DYNC1LI2: variants seen among roughly 807,000 people sequenced by gnomAD.
The protein encoded by DYNC1LI2 is cytoplasmic dynein 1 light intermediate chain 2.
A neutral mutation model predicts 57.8 loss-of-function variants in DYNC1LI2; 19 were observed. The ratio of observed to expected loss-of-function variants is 0.33; its 90% CI spans 0.23 to 0.48. DYNC1LI2 has a LOEUF of 0.48. DYNC1LI2 is among the 20% of genes least tolerant of loss of function. The pLI is 0.99. For missense variants in DYNC1LI2, 470 were observed against 604.2 expected (o/e 0.78, Z 2.33); for synonymous variants, 256 against 233.4 (o/e 1.10, Z -0.88).
intron 4 of DYNC1LI2, chr16:66,739,466 A>T (rs914403173): frequency 9.2e-5 from 14 of 152,306 alleles, no homozygotes; most frequent in Admixed American, 9.2e-4. Flanking sequence ...TTTGAGATAG[A>T]GTCTTGGCTC....
Position 66,728,239 on chromosome 16 carries a change from G to A in DYNC1LI2, c.1105C>T (p.Leu369Phe). The change falls in exon 10 of 13, where the codon CTC (leucine) becomes TTC (phenylalanine). Residue 369 changes from leucine (L) to phenylalanine (F), a missense_variant. Coordinates refer to ENST00000258198, the MANE Select transcript of DYNC1LI2 (RefSeq NM_006141.3). ...EQVFLMKQQSLLAKQPATPTR... is the reference protein window; with the variant it reads ...EQVFLMKQQSFLAKQPATPTR... The stretch of plus-strand genomic sequence containing the variant: ...GGAGTGGCTGGTTGCTTGGCAAGGA[G>A]TGACTGCAAAGAGAGGGACAAACTG... 1 of 1,614,112 alleles carries A rather than the reference G, an allele frequency of 6.2e-7. No homozygotes were observed. The highest frequency in any genetic ancestry group is 1.1e-5 in the South Asian group (1 of 91,084).
intron 4 of DYNC1LI2, among the ~76,000 whole-genome samples, chr16:66,740,459 C>T (rs990628459): frequency 5.3e-5 from 8 of 152,196 alleles, no homozygotes; most frequent in Non-Finnish European, 8.8e-5. Flanking sequence ...AACACAAAGA[C>T]GTGGCTACCA....
rs1466999292 is a variant in DYNC1LI2 at position 66,751,152 on chromosome 16, G to T, written c.181+121C>A. The T allele has an allele frequency of 8.5e-7, 1 of 1,169,718 alleles. No homozygotes were observed. The allele number at this position is 1,169,718 out of a possible 1,614,324, so 72.5% of individuals were successfully genotyped here. On this transcript the variant is annotated intron_variant, in intron 2 of 12. Coordinates refer to ENST00000258198, the MANE Select transcript of DYNC1LI2 (RefSeq NM_006141.3). The surrounding 1 kb of genome is among the most constrained non-coding windows in gnomAD (Gnocchi z 5.2). The stretch of plus-strand genomic sequence containing the variant: ...CTCCAGCTGACCGGCCAGGGCCGAC[G>T]GTCCCTTTCCCGCCAGGCTGCGGGC...
At chr16:66,728,093 T>C in intron 10 of DYNC1LI2, 108 bp downstream of exon 10, 1 of 1,471,694 alleles carries the variant, frequency 6.8e-7, no homozygotes, top group Non-Finnish European at 9.3e-7. Context: ...AAATTCCCAC[T>C]GAAAATACAA....
intron 10 of DYNC1LI2, 43 bp downstream of exon 10, chr16:66,728,158 A>T (rs1477081921): frequency 6.2e-7 from 1 of 1,612,646 alleles, no homozygotes; most frequent in Non-Finnish European, 8.5e-7. Context: ...GATGACACCC[A>T]CAACACTGGG....
chr16:66,748,430 G>A (rs1233234094), intron 3 of DYNC1LI2, among the ~76,000 whole-genome samples: 2 of 151,932 alleles, frequency 1.3e-5, no homozygotes, highest in African/African-American at 4.8e-5. Context: ...CCTTATAAGA[G>A]TGTTTATCAT....
At chr16:66,730,267 G>A (rs749239713) in intron 7 of DYNC1LI2, 44 bp from the exon 8 acceptor site, 2 of 1,545,146 alleles carry the variant, frequency 1.3e-6, no homozygotes, top group African/African-American at 2.7e-5. Context: ...TCCTGGGGCT[G>A]CCTTAGAGCA....
chr16:66,731,246 G>A (rs2017631565), intron 7 of DYNC1LI2: 2 of 152,202 alleles, frequency 1.3e-5, no homozygotes, highest in Admixed American at 6.5e-5. Flanking sequence ...ATGTGATTTG[G>A]ATACCAAGTG....
At chr16:66,734,832 T>C (rs1444188616) in intron 5 of DYNC1LI2, among the ~76,000 whole-genome samples, 1 of 151,454 alleles carries the variant, frequency 6.6e-6, no homozygotes, top group East Asian at 2.0e-4. Flanking sequence ...CCCACATCTC[T>C]AATAAAAATA....
rs1446053242 is a variant in DYNC1LI2, at chr16:66,743,542, C to T, written c.299-874G>A. ...TGCCACTGCACTCCAGCCTGGATGA[C>T]AGAGTGAGACTCCATCTCAAAAAAA... On this transcript the variant is annotated intron_variant, in intron 3 of 12. Transcript: ENST00000258198. Among the ~76,000 whole-genome samples, 10 of 111,580 alleles carry T rather than the reference C, an allele frequency of 9.0e-5. No individual in the cohort carries two copies. In the Admixed American group the frequency reaches 1.0e-3, roughly 11 times the overall value. 73.2% of individuals were successfully genotyped at this position (111,580 alleles called of 152,430 possible). A position where few individuals can be genotyped will look rare whatever the true frequency, so the allele number is the denominator to read the frequency against.
intron 11 of DYNC1LI2, 82 bp downstream of exon 11, chr16:66,727,606 G>A (rs2017558783): frequency 7.3e-7 from 1 of 1,375,500 alleles, no homozygotes; most frequent in Non-Finnish European, 1.0e-6. Context: ...CCACCTTATA[G>A]ACTCAGCCAC....
chr16:66,745,940 A>C (rs967112658), intron 3 of DYNC1LI2, among the ~76,000 whole-genome samples: 1 of 151,988 alleles, frequency 6.6e-6, no homozygotes, highest in Non-Finnish European at 1.5e-5. Context: ...CAAACAAAAA[A>C]ACCCAATCTT....
chr16:66,735,970 G>A (rs1314568073), intron 5 of DYNC1LI2, 105 bp downstream of exon 5: 20 of 1,413,106 alleles, frequency 1.4e-5, no homozygotes, highest in Admixed American at 2.2e-5. Flanking sequence ...TCTCAAATAA[G>A]CCCAAGTCTC....
At position 66,721,611 on chromosome 16, in the gene DYNC1LI2, T is replaced by C. The variant is rs1238260768; in HGVS notation, c.*2111A>G. 6.6e-6 allele frequency: 1 copy of C among 152,634 alleles called. No homozygotes were observed. The highest frequency in any genetic ancestry group is 2.1e-4 in the South Asian group (1 of 4,830). 9.5% of individuals were successfully genotyped at this position (152,634 alleles called of 1,614,324 possible). On this transcript the variant is annotated 3_prime_UTR_variant, in exon 13 of 13. Coordinates refer to ENST00000258198, the MANE Select transcript of DYNC1LI2 (RefSeq NM_006141.3). ...GGCAACCACTGAGCACATGACACTA[T>C]GTATCAGCTTCTTCTGATACTAGGA...
intron 8 of DYNC1LI2, among the ~76,000 whole-genome samples, chr16:66,729,373 G>T (rs1396029288): frequency 1.3e-5 from 2 of 152,098 alleles, no homozygotes; most frequent in Admixed American, 1.3e-4. Context: ...CAGTAATCCA[G>T]AGGCAACGGC....
At position 66,737,979 on chromosome 16, in the gene DYNC1LI2, T is replaced by TA. The variant is rs1712065225; in HGVS notation, c.530-1736dup. Among the ~76,000 whole-genome samples, 5 of 152,180 alleles carry TA rather than the reference T, an allele frequency of 3.3e-5. No individual in the cohort carries two copies. In the South Asian group the frequency reaches 1.0e-3, roughly 32 times the overall value. ...TAAGACTGAAGGATCAAAGGCCTTT[T>TA]ACTCTCACCAACATGCTAAGTAAAT... On this transcript the variant is annotated intron_variant, in intron 4 of 12. Transcript: ENST00000258198.
At chr16:66,724,437 G>A (rs1202928511) in intron 12 of DYNC1LI2, among the ~76,000 whole-genome samples, 2 of 152,130 alleles carry the variant, frequency 1.3e-5, no homozygotes, top group Non-Finnish European at 2.9e-5. Flanking sequence ...TAGAACATAG[G>A]AGCCACTGGA....
rs1358962071 is a variant in DYNC1LI2, at chr16:66,723,615, C to G, written c.*107G>C. On this transcript the variant is annotated 3_prime_UTR_variant, in exon 13 of 13. Transcript: ENST00000258198. ...TTTTTTTTTTTAAAGTTCATCTCCC[C>G]TGCCCCAAAAAACTGATAGCATGTG... is the stretch of plus-strand genomic sequence containing the variant. 62 of 953,920 alleles carry G rather than the reference C, an allele frequency of 6.5e-5. No homozygotes were observed. Among genetic ancestry groups the G allele is most frequent in the Non-Finnish European group, 8.3e-5 (53 of 639,170 alleles). The allele number at this position is 953,920 out of a possible 1,614,324, so 59.1% of individuals were successfully genotyped here.
In DYNC1LI2 at chr16:66,744,922, T is replaced by A. The variant is rs2017908397; in HGVS notation, c.299-2254A>T. Among the ~76,000 whole-genome samples the A allele has an allele frequency of 5.3e-5, 8 of 151,894 alleles. No individual in the cohort carries two copies. In the South Asian group the frequency reaches 1.7e-3, roughly 32 times the overall value. On this transcript the variant is annotated intron_variant, in intron 3 of 12. Coordinates refer to ENST00000258198, the MANE Select transcript of DYNC1LI2 (RefSeq NM_006141.3). ...TTTGAGAACTATTTTTTATTTATTT[T>A]TATTTTTTGAGATGGAGTCTCCCTC...
Sources: allele counts gnomAD v4.1 joint callset (sites outside exome capture counted in the v4.1 genomes callset), GRCh38; gene constraint gnomAD v4.1.1; non-coding constraint Gnocchi (gnomAD v3.1); transcripts MANE v1.5; gene names NCBI Gene and HGNC (gene_info 2026-07-23, HGNC 2026-07-21).